Variants in BICD1 observed in about 807,000 individuals in gnomAD.
The protein encoded by BICD1 is protein bicaudal D homolog 1.
A neutral mutation model predicts 92.5 loss-of-function variants in BICD1; 35 were observed. That is an observed-to-expected ratio of 0.38 (90% CI 0.29 to 0.50). The LOEUF is 0.50. Among genes scored for constraint, BICD1 ranks in the 20% least tolerant of loss-of-function variants. BICD1 has a pLI of 0.93. For missense variants in BICD1, 950 were observed against 1,189.8 expected, an observed-to-expected ratio of 0.80 and a Z score of 2.97; for synonymous variants, 429 against 465.1, an observed-to-expected ratio of 0.92 and a Z score of 1.00.
chr12:32,337,787 T>G lies in BICD1; in HGVS notation c.2541T>G (p.Ile847Met). The G allele has an allele frequency of 6.2e-7, 1 of 1,614,034 alleles. No individual in the cohort carries two copies. The highest frequency in any genetic ancestry group is 1.3e-5 in the African/African-American group (1 of 74,978). The stretch of plus-strand genomic sequence containing the variant: ...GTCAGGGCCCACAGACACCCAACAT[T>G]CGGGTCAGCAGTGGCACTCAGAGGA... ...LHSQGPQTPN[I>M]RVSSGTQRKR... The change falls in exon 7 of 10, where the codon ATT (isoleucine) becomes ATG (methionine). Residue 847 changes from isoleucine to methionine, a missense_variant. By Grantham distance (10) the Ile-to-Met change is conservative. Transcript: ENST00000652176. The surrounding 1 kb of genome is among the most constrained non-coding windows in gnomAD (Gnocchi z 4.7).
At chr12:32,266,280 A>G (rs1401856864) in intron 2 of BICD1, among the ~76,000 whole-genome samples, 1 of 152,212 alleles carries the variant, frequency 6.6e-6, no homozygotes, top group Non-Finnish European at 1.5e-5. Flanking sequence ...TTGTCTTAGA[A>G]ACACTAGAAA....
chr12:32,311,411 A>G (rs535374676), intron 4 of BICD1, among the ~76,000 whole-genome samples: 23 of 152,260 alleles, frequency 1.5e-4, no homozygotes, highest in African/African-American at 5.5e-4. Flanking sequence ...AGGCAGGAGA[A>G]TCACTTGAAC....
chr12:32,349,913 T>C (rs1386887951), intron 8 of BICD1, among the ~76,000 whole-genome samples: 1 of 152,226 alleles, frequency 6.6e-6, no homozygotes, highest in Non-Finnish European at 1.5e-5. Context: ...TACCATTACA[T>C]ATCTAAAAGT....
At chr12:32,146,191 A>G (rs1455823655) in intron 1 of BICD1, among the ~76,000 whole-genome samples, 2 of 152,230 alleles carry the variant, frequency 1.3e-5, no homozygotes, top group African/African-American at 4.8e-5. Flanking sequence ...TTTAGCAGCC[A>G]GCCTTACAGT....
At chr12:32,269,291 GT>G (rs1947077426) in intron 2 of BICD1, among the ~76,000 whole-genome samples, 1 of 152,116 alleles carries the variant, frequency 6.6e-6, no homozygotes, top group African/African-American at 2.4e-5. Context: ...TAAAATAAAT[GT>G]TTCAGTGATT....
At position 32,216,374 on chromosome 12, in the gene BICD1, A is replaced by G; in HGVS notation, c.341A>G (p.Asn114Ser). The part of the protein sequence containing the change: ...YYLGKILEMQ[N>S]ELKQSRAVVT... ...CTGGGGAAGATCTTGGAGATGCAGA[A>G]CGAGCTGAAACAGAGCCGGGCTGTG... Residue 114 changes from asparagine to serine, a missense_variant, in exon 2 of 10, where the codon AAC becomes AGC. Coordinates refer to ENST00000652176, the MANE Select transcript of BICD1 (RefSeq NM_001714.4). 6.2e-7 allele frequency: 1 copy of G among 1,614,216 alleles called. No homozygotes were observed. The highest frequency in any genetic ancestry group is 8.5e-7 in the Non-Finnish European group (1 of 1,180,034).
intron 2 of BICD1, among the ~76,000 whole-genome samples, chr12:32,274,521 G>A (rs1477340383): frequency 6.6e-6 from 1 of 152,174 alleles, no homozygotes; most frequent in Admixed American, 6.5e-5. Context: ...TGAAGAATTT[G>A]TAGGAAGTCA....
chr12:32,342,166 G>GTGTGTATATATATGTA (rs1433348939), intron 8 of BICD1, among the ~76,000 whole-genome samples: 11 of 123,956 alleles, frequency 8.9e-5, no homozygotes, highest in African/African-American at 1.8e-4. Context: ...GTATATATAT[G>GTGTGTATATATATGTA]TATATATATA....
At chr12:32,332,408 T>A in intron 5 of BICD1, 1 of 978,768 alleles carries the variant, frequency 1.0e-6, no homozygotes. Flanking sequence ...ATAGGCATTC[T>A]GTAGTCTCTA....
chr12:32,127,954 A>C (rs1265177836), intron 1 of BICD1, among the ~76,000 whole-genome samples: 1 of 147,858 alleles, frequency 6.8e-6, no homozygotes, highest in Admixed American at 7.0e-5. Flanking sequence ...TCCAGGCTGC[A>C]GTGCAGTGGC....
intron 8 of BICD1, among the ~76,000 whole-genome samples, chr12:32,342,610 T>C (rs1938425346): frequency 6.6e-6 from 1 of 152,210 alleles, no homozygotes; most frequent in African/African-American, 2.4e-5. Context: ...TAAGCAGATA[T>C]GGGCTTTATT....
intron 2 of BICD1, among the ~76,000 whole-genome samples, chr12:32,230,513 A>G (rs921003088): frequency 2.0e-5 from 3 of 152,220 alleles, no homozygotes; most frequent in Non-Finnish European, 2.9e-5. Flanking sequence ...AATGCCAGGA[A>G]TTAAGACCAG....
At chr12:32,108,704 T>C (rs771176427) in intron 1 of BICD1, 5 of 693,838 alleles carry the variant, frequency 7.2e-6, no homozygotes, top group Admixed American at 4.1e-5. Flanking sequence ...GTGTGTAATA[T>C]GGTAAGCATT....
intron 1 of BICD1, among the ~76,000 whole-genome samples, chr12:32,116,984 GTTA>G: frequency 1.2e-5 from 1 of 83,188 alleles, no homozygotes; most frequent in South Asian, 3.8e-4. Flanking sequence ...CACCTATTAT[GTTA>G]TAGAACTGAT....
chr12:32,181,496 A>G (rs1397865788), intron 1 of BICD1, among the ~76,000 whole-genome samples: 1 of 151,994 alleles, frequency 6.6e-6, no homozygotes, highest in Non-Finnish European at 1.5e-5. Flanking sequence ...TGGCTACAAA[A>G]TGAAACAATT....
intron 3 of BICD1, among the ~76,000 whole-genome samples, chr12:32,304,530 T>C (rs1948158350): frequency 6.6e-6 from 1 of 152,196 alleles, no homozygotes; most frequent in African/African-American, 2.4e-5. Flanking sequence ...GTACTTACTT[T>C]CTCTAAGGAG....
intron 2 of BICD1, among the ~76,000 whole-genome samples, chr12:32,279,445 C>T (rs750970001): frequency 8.5e-5 from 13 of 152,178 alleles, no homozygotes; most frequent in Admixed American, 2.0e-4. Flanking sequence ...CGTAAAAATA[C>T]ATGTTCCACC....
intron 3 of BICD1, among the ~76,000 whole-genome samples, chr12:32,303,372 C>A (rs1209403529): frequency 1.6e-4 from 24 of 152,156 alleles, no homozygotes; most frequent in Non-Finnish European, 1.5e-5. Flanking sequence ...GAGTTGCATC[C>A]TATTAGAGCA....
chr12:32,132,323 G>A (rs1443936816), intron 1 of BICD1, among the ~76,000 whole-genome samples: 5 of 151,722 alleles, frequency 3.3e-5, no homozygotes, highest in Non-Finnish European at 7.4e-5. Context: ...GGCTGAGGCA[G>A]GAGAATTGCT....
Sources: allele counts gnomAD v4.1 joint callset (sites outside exome capture counted in the v4.1 genomes callset), GRCh38; gene constraint gnomAD v4.1.1; non-coding constraint Gnocchi (gnomAD v3.1); transcripts MANE v1.5; gene names NCBI Gene and HGNC (gene_info 2026-07-23, HGNC 2026-07-21).